The following ELP1 variants were observed in gnomAD, a reference collection of about 807,000 sequenced individuals.
ELP1 encodes the protein elongator acetyltransferase complex subunit 1.
A neutral mutation model predicts 183.2 loss-of-function variants in ELP1; 131 were observed. The ratio of observed to expected loss-of-function variants is 0.72; its 90% CI spans 0.62 to 0.83. The LOEUF (loss-of-function observed/expected upper bound fraction) is 0.83, where lower values mean the gene tolerates loss of function less well. Among genes scored for constraint, ELP1 ranks in the 40% least tolerant of loss-of-function variants. The probability of loss-of-function intolerance (pLI) is 0.00; values close to 1 mark genes in which losing one functional copy is unlikely to be tolerated. For synonymous variants in ELP1, 555 were observed against 569.0 expected (o/e 0.98, Z 0.35); for missense variants, 1,550 against 1,594.9 (o/e 0.97, Z 0.48).
At chr9:108,872,478 C>G (rs1827492603) in intron 36 of ELP1, among the ~76,000 whole-genome samples, 2 of 151,970 alleles carry the variant, frequency 1.3e-5, no homozygotes, top group African/African-American at 4.8e-5. Flanking sequence ...TCATAAATTC[C>G]AATTAAAGTT....
chr9:108,900,291 A>G lies in ELP1; in HGVS notation c.2099T>C (p.Val700Ala). The G allele has an allele frequency of 1.2e-6, 2 of 1,614,152 alleles. No homozygotes were observed. Among genetic ancestry groups the G allele is most frequent in the Non-Finnish European group, 1.7e-6 (2 of 1,179,956 alleles). ...TACAAGCTTTGTGTCCTGGGGCACA[A>G]CAGTGACAATCCGTGAACCCCTCTC... Reference protein sequence around the residue: ...KVERGSRIVTVVPQDTKLVLQ... With the variant: ...KVERGSRIVTAVPQDTKLVLQ... The change falls in exon 19 of 37, where the codon GTT becomes GCT. Residue 700 changes from valine to alanine, a missense_variant. Transcript: ENST00000374647.
At chr9:108,878,206 A>G (rs1827775791) in intron 34 of ELP1, 57 bp from the exon 35 acceptor site, 2 of 1,484,926 alleles carry the variant, frequency 1.3e-6, no homozygotes, top group African/African-American at 1.4e-5. Context: ...CATTGACAGA[A>G]TCATACATAG....
In ELP1 at chr9:108,889,346, C is replaced by T. The variant is rs778318147; in HGVS notation, c.3208G>A (p.Glu1070Lys). 20 of 1,614,130 alleles carry T rather than the reference C, an allele frequency of 1.2e-5. No individual in the cohort carries two copies. Among genetic ancestry groups the T allele is most frequent in the East Asian group, 2.2e-5 (1 of 44,882 alleles). The change falls in exon 29 of 37, where the codon GAA becomes AAA. Residue 1070 changes from glutamate to lysine, a missense_variant. By Grantham distance (56) the Glu-to-Lys change is moderately conservative (BLOSUM62 1). Transcript: ENST00000374647. ...ATTGAGTTTACCTGGGCACACTCTT[C>T]CAAAACCATGGCCGCATCAATGTGC... ...RKHIDAAMVL[E>K]ECAQDYEEAV...
chr9:108,923,422 T>C (rs1247883287), intron 5 of ELP1, among the ~76,000 whole-genome samples: 1 of 152,192 alleles, frequency 6.6e-6, no homozygotes, highest in Non-Finnish European at 1.5e-5. Context: ...GCAGTGACTT[T>C]GAAGAATTTG....
intron 10 of ELP1, among the ~76,000 whole-genome samples, chr9:108,913,922 C>T (rs545284665): frequency 5.3e-5 from 8 of 152,204 alleles, no homozygotes; most frequent in South Asian, 2.1e-4. Flanking sequence ...TTCTCAACTG[C>T]GGCTGTTTAA....
rs754823596 is a variant in ELP1, at chr9:108,912,258, G to C, written c.1189+6C>G. 3.1e-6 allele frequency: 5 copies of C among 1,610,624 alleles called. No individual in the cohort carries two copies. The East Asian group carries it at 6.7e-5, about 22-fold the overall frequency. On this transcript the variant is annotated splice_donor_region_variant and intron_variant, in intron 11 of 36. Coordinates refer to ENST00000374647, the MANE Select transcript of ELP1 (RefSeq NM_003640.5). ...AGGCTCATGGACACACTTCCCAGGA[G>C]CTTACTTCCATCAATGACAGCCACA...
At chr9:108,931,660 T>C (rs1199473221) in intron 1 of ELP1, among the ~76,000 whole-genome samples, 1 of 152,264 alleles carries the variant, frequency 6.6e-6, no homozygotes, top group Non-Finnish European at 1.5e-5. Flanking sequence ...GACTTTAATA[T>C]TCACCAGGTC....
Position 108,910,857 on chromosome 9 carries a change from G to C in ELP1, c.1360+153C>G, listed in dbSNP as rs838820. On this transcript the variant is annotated intron_variant, in intron 12 of 36. Transcript: ENST00000374647. Reference sequence around the variant, plus strand: ...AAAAAAAAAAAAACAAAAACCCAAGGCAATTAAATATCATAATGATAATGA... The same window carrying C: ...AAAAAAAAAAAAACAAAAACCCAAGCCAATTAAATATCATAATGATAATGA... 0.62 allele frequency among the ~76,000 whole-genome samples: 93,008 copies of C among 149,814 alleles called. 29,270 individuals carry two copies. The highest frequency in any genetic ancestry group is 0.72 in the African/African-American group (29,341 of 40,742).
chr9:108,917,805 G>T, intron 8 of ELP1, 135 bp from the exon 9 acceptor site: 1 of 1,011,122 alleles, frequency 9.9e-7, no homozygotes, highest in Non-Finnish European at 1.5e-6. Context: ...ATCCAAGGAA[G>T]TTTTAAATCC....
intron 14 of ELP1, 138 bp from the exon 15 acceptor site, chr9:108,903,807 A>T: frequency 1.4e-6 from 1 of 693,876 alleles, no homozygotes; most frequent in Non-Finnish European, 2.6e-6. Flanking sequence ...AAATACATAT[A>T]TACACACCCA....
chr9:108,915,492 C>G (rs12344446), intron 10 of ELP1, among the ~76,000 whole-genome samples: 8,039 of 152,296 alleles, frequency 0.053, 330 homozygotes, highest in East Asian at 0.12. Context: ...GAAATCCTCC[C>G]TAAGTTTCCA....
chr9:108,873,853 T>C (rs952325768), intron 36 of ELP1, among the ~76,000 whole-genome samples: 6 of 151,718 alleles, frequency 4.0e-5, no homozygotes, highest in Admixed American at 3.3e-4. Context: ...AGACCCCATC[T>C]GTTTTTTTTT....
At chr9:108,876,620 C>T (rs1346796451) in intron 35 of ELP1, among the ~76,000 whole-genome samples, 1 of 152,080 alleles carries the variant, frequency 6.6e-6, no homozygotes, top group African/African-American at 2.4e-5. Flanking sequence ...GAAAGATATT[C>T]TTCCTTGCTG....
intron 25 of ELP1, among the ~76,000 whole-genome samples, 184 bp downstream of exon 25, chr9:108,896,312 C>A (rs549660246): frequency 4.5e-4 from 68 of 152,268 alleles, no homozygotes; most frequent in African/African-American, 1.6e-3. Context: ...TTCAACCTCA[C>A]AATCAAAACA....
intron 12 of ELP1, 119 bp downstream of exon 12, chr9:108,910,891 G>A (rs1829192006): frequency 3.7e-6 from 3 of 818,688 alleles, no homozygotes; most frequent in Admixed American, 3.8e-5. Flanking sequence ...GATATCAACT[G>A]CAGACTTAAA....
At chr9:108,872,075 A>C (rs1437042035) in intron 36 of ELP1, among the ~76,000 whole-genome samples, 1 of 152,232 alleles carries the variant, frequency 6.6e-6, no homozygotes, top group Non-Finnish European at 1.5e-5. Context: ...CACTTGTGGT[A>C]CTTCCTATAG....
intron 28 of ELP1, 103 bp from the exon 29 acceptor site, chr9:108,889,496 T>C (rs979540020): frequency 1.9e-6 from 2 of 1,056,994 alleles, no homozygotes; most frequent in Admixed American, 3.5e-5. Flanking sequence ...ATGTACTTTC[T>C]GAATTTCTGT....
intron 28 of ELP1, 55 bp from the exon 29 acceptor site, chr9:108,889,448 A>T: frequency 1.3e-6 from 2 of 1,488,876 alleles, no homozygotes; most frequent in Non-Finnish European, 1.9e-6. Context: ...ACTTTAGCTC[A>T]AGTGCTTCTT....
At chr9:108,871,394 C>T (rs183338350) in intron 36 of ELP1, among the ~76,000 whole-genome samples, 2 of 152,204 alleles carry the variant, frequency 1.3e-5, no homozygotes, top group South Asian at 2.1e-4. Context: ...AAAAGGCAGT[C>T]CCCTTACTGG....
Sources: gnomAD v4.1 joint callset for allele counts (sites outside exome capture counted in the v4.1 genomes callset) on GRCh38, gnomAD v4.1.1 for gene constraint, MANE v1.5 for transcripts, NCBI Gene and HGNC (gene_info 2026-07-23, HGNC 2026-07-21) for gene names.